SEL1L: variants seen among roughly 807,000 people sequenced by gnomAD.
SEL1L encodes the protein SEL1L adaptor subunit of SYVN1 ubiquitin ligase.
Under a neutral mutation model 109.8 loss-of-function variants are expected in SEL1L, and 52 were observed. That is an observed-to-expected ratio of 0.47 (90% CI 0.38 to 0.60). The LOEUF (loss-of-function observed/expected upper bound fraction) is 0.60, where lower values mean the gene tolerates loss of function less well. Ranked by LOEUF, SEL1L falls within the 20% of genes least tolerant of loss-of-function variation. SEL1L has a pLI of 0.00. For synonymous variants in SEL1L, 373 were observed against 339.6 expected, an observed-to-expected ratio of 1.10 and a Z score of -1.08; for missense variants, 749 against 962.2, an observed-to-expected ratio of 0.78 and a Z score of 2.93.
chr14:81,480,704 T>A (rs1198284150), intron 19 of SEL1L, among the ~76,000 whole-genome samples: 1 of 151,956 alleles, frequency 6.6e-6, no homozygotes, highest in East Asian at 1.9e-4. Context: ...GGTGACAGAG[T>A]GAGACCCTGT....
chr14:81,524,960 T>C (rs1885056491), intron 3 of SEL1L, among the ~76,000 whole-genome samples: 1 of 152,016 alleles, frequency 6.6e-6, no homozygotes, highest in African/African-American at 2.4e-5. Context: ...TTCAAACAAA[T>C]AAATTGTAAA....
At chr14:81,484,459 T>C (rs1903458336) in intron 18 of SEL1L, 62 bp from the exon 19 acceptor site, 1 of 1,443,832 alleles carries the variant, frequency 6.9e-7, no homozygotes, top group Admixed American at 1.9e-5. Context: ...CAGATCAAAC[T>C]TTTTTCTCCT....
intron 1 of SEL1L, among the ~76,000 whole-genome samples, chr14:81,529,687 A>G (rs565921375): frequency 4.6e-5 from 7 of 152,312 alleles, no homozygotes; most frequent in Non-Finnish European, 1.0e-4. Context: ...AACCTGGACT[A>G]TATGCTAATA....
intron 18 of SEL1L, among the ~76,000 whole-genome samples, chr14:81,484,892 T>C (rs1278594587): frequency 6.6e-6 from 1 of 152,260 alleles, no homozygotes; most frequent in East Asian, 1.9e-4. Flanking sequence ...ACTCCCTTCT[T>C]TCACAAACAC....
chr14:81,509,109 A>G (rs533781027), intron 3 of SEL1L, among the ~76,000 whole-genome samples: 5 of 152,346 alleles, frequency 3.3e-5, no homozygotes, highest in African/African-American at 1.2e-4. Flanking sequence ...AAATCACAAT[A>G]TGGAAAGTGT....
Position 81,533,824 on chromosome 14 carries a change from T to G in SEL1L, c.-80A>C, listed in dbSNP as rs1296506278. Reference sequence around the variant, plus strand: ...CACGGACTCAGCCACCACCGCCGCCTCGCCGCTGCTCTTCCTGCTCTAGTC... The same window carrying G: ...CACGGACTCAGCCACCACCGCCGCCGCGCCGCTGCTCTTCCTGCTCTAGTC... On this transcript the variant is annotated 5_prime_UTR_variant, in exon 1 of 21. Transcript: ENST00000336735. The G allele has an allele frequency of 1.5e-6, 2 of 1,369,472 alleles. No individual in the cohort carries two copies. The highest frequency in any genetic ancestry group is 2.9e-5 in the African/African-American group (2 of 70,054). 84.8% of individuals were successfully genotyped at this position (1,369,472 alleles called of 1,614,324 possible). A position where few individuals can be genotyped will look rare whatever the true frequency, so the allele number is the denominator to read the frequency against.
intron 1 of SEL1L, among the ~76,000 whole-genome samples, chr14:81,532,218 T>G (rs953575110): frequency 6.6e-6 from 1 of 152,202 alleles, no homozygotes; most frequent in Non-Finnish European, 1.5e-5. Flanking sequence ...TTCAGAGGGA[T>G]ACACACCGTG....
At chr14:81,483,172 T>A (rs1031080683) in intron 19 of SEL1L, among the ~76,000 whole-genome samples, 12 of 152,222 alleles carry the variant, frequency 7.9e-5, no homozygotes, top group Non-Finnish European at 1.6e-4. Context: ...CATTTTCACA[T>A]ACATGACATT....
chr14:81,494,966 G>T, intron 11 of SEL1L, 115 bp downstream of exon 11: 1 of 962,214 alleles, frequency 1.0e-6, no homozygotes, highest in Non-Finnish European at 1.6e-6. Flanking sequence ...GCTCATTTGT[G>T]ATGGGTGTTT....
chr14:81,533,619 G>T, intron 1 of SEL1L, 56 bp downstream of exon 1: 1 of 1,561,130 alleles, frequency 6.4e-7, no homozygotes, highest in Non-Finnish European at 8.8e-7. Context: ...CCCGCCGGCT[G>T]TAGAGGCTGG....
chr14:81,515,381 C>G (rs1168920086), intron 3 of SEL1L, among the ~76,000 whole-genome samples: 1 of 152,220 alleles, frequency 6.6e-6, no homozygotes, highest in African/African-American at 2.4e-5. Context: ...AAACCCTGGC[C>G]TTTAATGAAA....
rs1478460826 is a variant in SEL1L, at chr14:81,476,756, T to C, written c.*216A>G. On this transcript the variant is annotated 3_prime_UTR_variant, in exon 21 of 21. Transcript: ENST00000336735. The stretch of plus-strand genomic sequence containing the variant: ...AGCCACTGAAAGTTGTTATTCCATA[T>C]GGCACTGAAACAAACATTCAGCTCA... 5.7e-6 allele frequency: 3 copies of C among 527,354 alleles called. No homozygotes were observed. The highest frequency in any genetic ancestry group is 5.7e-5 in the African/African-American group (3 of 53,090). 32.7% of individuals were successfully genotyped at this position (527,354 alleles called of 1,614,324 possible). A position where few individuals can be genotyped will look rare whatever the true frequency, so the allele number is the denominator to read the frequency against.
chr14:81,507,601 A>C (rs914607002), intron 3 of SEL1L, among the ~76,000 whole-genome samples: 4 of 130,772 alleles, frequency 3.1e-5, no homozygotes, highest in African/African-American at 1.8e-4. Context: ...AAACCCACAC[A>C]AAAAAAACAG....
chr14:81,520,158 T>C (rs1014138201), intron 3 of SEL1L, among the ~76,000 whole-genome samples: 11 of 152,224 alleles, frequency 7.2e-5, no homozygotes, highest in Admixed American at 1.3e-4. Context: ...CAGAGCCATA[T>C]ATATGCAATT....
At chr14:81,493,921 C>T (rs960189804) in intron 11 of SEL1L, among the ~76,000 whole-genome samples, 3 of 152,296 alleles carry the variant, frequency 2.0e-5, no homozygotes, top group East Asian at 1.9e-4. Flanking sequence ...GTCTCCTTTG[C>T]TGGTTATTTT....
intron 13 of SEL1L, among the ~76,000 whole-genome samples, chr14:81,490,040 T>C (rs866637259): frequency 2.0e-4 from 30 of 152,332 alleles, no homozygotes; most frequent in Middle Eastern, 3.4e-3. Flanking sequence ...TTATGTACTA[T>C]GATTATCAAA....
At chr14:81,495,606 CCA>C (rs766453726) in intron 10 of SEL1L, among the ~76,000 whole-genome samples, 9 of 152,074 alleles carry the variant, frequency 5.9e-5, no homozygotes, top group Non-Finnish European at 1.3e-4. Context: ...CTGCTGCACT[CCA>C]GCCTGGGCGA....
At chr14:81,484,423 T>A (rs773614527) in intron 18 of SEL1L, 26 bp from the exon 19 acceptor site, 6 of 1,588,012 alleles carry the variant, frequency 3.8e-6, no homozygotes, top group Non-Finnish European at 4.3e-6. Flanking sequence ...AATGCAGAAC[T>A]GCCAATAAAT....
At chr14:81,480,929 G>A (rs993944489) in intron 19 of SEL1L, among the ~76,000 whole-genome samples, 1 of 151,968 alleles carries the variant, frequency 6.6e-6, no homozygotes, top group African/African-American at 2.4e-5. Context: ...TTGTCTTGGG[G>A]TGTAAAAACC....
Sources: gnomAD v4.1 joint callset for allele counts (sites outside exome capture counted in the v4.1 genomes callset) on GRCh38, gnomAD v4.1.1 for gene constraint, MANE v1.5 for transcripts, NCBI Gene and HGNC (gene_info 2026-07-23, HGNC 2026-07-21) for gene names.